Variants in CMIP observed in about 807,000 individuals in gnomAD.
The protein encoded by CMIP is C-Maf-inducing protein.
Under a neutral mutation model 97.3 loss-of-function variants are expected in CMIP, and 13 were observed. The ratio of observed to expected loss-of-function variants is 0.13; its 90% CI spans 0.09 to 0.21. The LOEUF is 0.21. Among genes scored for constraint, CMIP ranks in the 10% least tolerant of loss-of-function variants. CMIP has a pLI of 1.00. For synonymous variants in CMIP, 538 were observed against 436.3 expected (o/e 1.23, Z -2.91); for missense variants, 847 against 1,024.9 (o/e 0.83, Z 2.37).
Position 81,660,889 on chromosome 16 carries a change from C to G in CMIP, c.687C>G (p.Ile229Met), listed in dbSNP as rs780410274. ...TQEHENIIVAIAPLLENNHPP... is the reference protein window; with the variant it reads ...TQEHENIIVAMAPLLENNHPP... Reference sequence around the variant, plus strand: ...GCTTGTTTGTTGTGTTTCAGGCAATCGCTCCTTTGCTGGAAAACAACCACC... The same window carrying G: ...GCTTGTTTGTTGTGTTTCAGGCAATGGCTCCTTTGCTGGAAAACAACCACC... The change falls in exon 6 of 21, where the codon ATC becomes ATG. Residue 229 changes from isoleucine (I) to methionine (M), a missense_variant. Ile to Met is a conservative substitution (Grantham distance 10, BLOSUM62 1). Around this residue, in one of 4 missense-constraint regions of CMIP, gnomAD observed 285 missense variants for 392.2 expected, o/e 0.73. Coordinates refer to ENST00000537098, the MANE Select transcript of CMIP (RefSeq NM_198390.3). 1 of 1,613,954 alleles carries G rather than the reference C, an allele frequency of 6.2e-7. No individual in the cohort carries two copies. The highest frequency in any genetic ancestry group is 1.3e-5 in the African/African-American group (1 of 75,020).
At chr16:81,693,532 G>A in intron 13 of CMIP, 45 bp downstream of exon 13, 1 of 1,590,760 alleles carries the variant, frequency 6.3e-7, no homozygotes, top group Non-Finnish European at 8.6e-7. Flanking sequence ...TCTGGGGATG[G>A]CAGGATGCAC....
chr16:81,545,188 G>T (rs543699279), intron 1 of CMIP, among the ~76,000 whole-genome samples: 46 of 152,308 alleles, frequency 3.0e-4, no homozygotes, highest in African/African-American at 1.1e-3. Flanking sequence ...TCCCTGCAGG[G>T]TGCCTTAGCT....
chr16:81,569,843 C>T (rs532857163), intron 1 of CMIP, among the ~76,000 whole-genome samples: 5 of 152,300 alleles, frequency 3.3e-5, no homozygotes, highest in African/African-American at 1.2e-4. Context: ...GCAGTATTTG[C>T]TGCATAGGGT....
intron 1 of CMIP, among the ~76,000 whole-genome samples, chr16:81,592,147 T>A (rs566534408): frequency 1.2e-4 from 19 of 152,316 alleles, no homozygotes; most frequent in Middle Eastern, 3.4e-3. Flanking sequence ...TATATTTTAC[T>A]TTTTTATGCA....
At chr16:81,531,033 G>A (rs756251124) in intron 1 of CMIP, among the ~76,000 whole-genome samples, 10 of 152,168 alleles carry the variant, frequency 6.6e-5, no homozygotes, top group Admixed American at 2.6e-4. Flanking sequence ...CAAAAGGCAC[G>A]TTTACGCTGT....
chr16:81,648,761 T>G (rs1227700322), intron 3 of CMIP, among the ~76,000 whole-genome samples: 1 of 121,842 alleles, frequency 8.2e-6, no homozygotes, highest in Non-Finnish European at 1.6e-5. Context: ...CCAGCTTGAG[T>G]GACAGAGCAA....
intron 11 of CMIP, among the ~76,000 whole-genome samples, chr16:81,692,524 G>A (rs757504685): frequency 5.9e-5 from 9 of 152,230 alleles, no homozygotes; most frequent in Non-Finnish European, 1.2e-4. Context: ...GGCAGCTGGG[G>A]CTCTCGAAGG....
At chr16:81,661,802 G>A (rs1032011340) in intron 6 of CMIP, among the ~76,000 whole-genome samples, 1 of 152,116 alleles carries the variant, frequency 6.6e-6, no homozygotes, top group African/African-American at 2.4e-5. Context: ...GGGGACGGGA[G>A]CTTTGAAAGG....
intron 1 of CMIP, among the ~76,000 whole-genome samples, chr16:81,591,502 A>G (rs1344353325): frequency 1.3e-5 from 2 of 152,178 alleles, no homozygotes; most frequent in Non-Finnish European, 1.5e-5. Flanking sequence ...TCAAAGACAA[A>G]TGAGCTGCAG....
chr16:81,606,855 G>A (rs2091751819), intron 1 of CMIP: 1 of 154,764 alleles, frequency 6.5e-6, no homozygotes, highest in African/African-American at 2.4e-5. Context: ...GTGCAGTTGA[G>A]ATGAGACCTG....
intron 13 of CMIP, among the ~76,000 whole-genome samples, chr16:81,694,170 G>A (rs1906432850): frequency 6.6e-6 from 1 of 152,172 alleles, no homozygotes; most frequent in Admixed American, 6.5e-5. Flanking sequence ...TGCGCGGCTG[G>A]TCCACGACTG....
At chr16:81,482,742 C>T (rs188392618) in intron 1 of CMIP, among the ~76,000 whole-genome samples, 4 of 152,326 alleles carry the variant, frequency 2.6e-5, no homozygotes, top group South Asian at 4.1e-4. Context: ...GTGACAAACC[C>T]GGGCTTCGGA....
chr16:81,618,219 G>A (rs1465575668), intron 2 of CMIP, among the ~76,000 whole-genome samples: 1 of 152,192 alleles, frequency 6.6e-6, no homozygotes, highest in Non-Finnish European at 1.5e-5. Flanking sequence ...AAACGAAGGT[G>A]TCAGGACTAT....
At chr16:81,471,344 A>G (rs1309565402) in intron 1 of CMIP, among the ~76,000 whole-genome samples, 1 of 152,276 alleles carries the variant, frequency 6.6e-6, no homozygotes, top group Non-Finnish European at 1.5e-5. Context: ...AAATATGTAT[A>G]GGTGCACACA....
chr16:81,597,595 G>GGC (rs2091580250), intron 1 of CMIP, among the ~76,000 whole-genome samples: 1 of 97,762 alleles, frequency 1.0e-5, no homozygotes, highest in African/African-American at 4.3e-5. Flanking sequence ...GAGGGGAGCG[G>GGC]GGGGGGGGGA....
At chr16:81,618,640 G>A (rs2091953077) in intron 2 of CMIP, 1 of 152,224 alleles carries the variant, frequency 6.6e-6, no homozygotes. Context: ...TCTCTCCCCA[G>A]CTCTGGCCCA....
chr16:81,681,550 G>C (rs903938823), intron 10 of CMIP, among the ~76,000 whole-genome samples: 9 of 152,222 alleles, frequency 5.9e-5, no homozygotes, highest in African/African-American at 2.2e-4. Flanking sequence ...GCGCAGAGCA[G>C]ACACCTCTGC....
chr16:81,569,073 C>T (rs546493226), intron 1 of CMIP, among the ~76,000 whole-genome samples: 66 of 152,322 alleles, frequency 4.3e-4, no homozygotes, highest in African/African-American at 1.5e-3. Context: ...GTACATTTTA[C>T]GAAGAAGGCA....
chr16:81,574,731 C>A (rs757052912), intron 1 of CMIP, among the ~76,000 whole-genome samples: 10 of 152,246 alleles, frequency 6.6e-5, no homozygotes, highest in Non-Finnish European at 1.2e-4. Context: ...CAGTGGTGGC[C>A]TCTGTGGACA....
Sources: allele counts gnomAD v4.1 joint callset (sites outside exome capture counted in the v4.1 genomes callset), GRCh38; gene constraint gnomAD v4.1.1; regional missense constraint gnomAD v4.1.1; transcripts MANE v1.5; gene names NCBI Gene and HGNC (gene_info 2026-07-23, HGNC 2026-07-21).